Variants in CARMIL1 observed in about 807,000 individuals in gnomAD.
CARMIL1 encodes F-actin-uncapping protein LRRC16A.
Under a neutral mutation model 177.1 loss-of-function variants are expected in CARMIL1, and 90 were observed. That is an observed-to-expected ratio of 0.51 (90% CI 0.43 to 0.61). CARMIL1 has a LOEUF of 0.61. CARMIL1 is among the 20% of genes least tolerant of loss of function. CARMIL1 has a pLI of 0.00. For missense variants in CARMIL1, 1,380 were observed against 1,667.0 expected (o/e 0.83, Z 3.00); for synonymous variants, 577 against 606.2 (o/e 0.95, Z 0.71).
intron 2 of CARMIL1, among the ~76,000 whole-genome samples, chr6:25,315,860 G>T (rs1784234815): frequency 6.6e-6 from 1 of 152,196 alleles, no homozygotes; most frequent in South Asian, 2.1e-4. Flanking sequence ...CAGCGTCATT[G>T]CCAATACTTG....
chr6:25,321,617 C>T (rs1784672946), intron 2 of CARMIL1, among the ~76,000 whole-genome samples: 1 of 151,988 alleles, frequency 6.6e-6, no homozygotes, highest in Non-Finnish European at 1.5e-5. Context: ...TTAAACCTTT[C>T]ATTCTTTTAA....
At chr6:25,431,724 A>C (rs1796807317) in intron 4 of CARMIL1, among the ~76,000 whole-genome samples, 1 of 152,018 alleles carries the variant, frequency 6.6e-6, no homozygotes, top group Non-Finnish European at 1.5e-5. Context: ...TGTGGCTGCC[A>C]AAATTGGTCT....
chr6:25,491,994 T>C lies in CARMIL1; in HGVS notation c.1190T>C (p.Leu397Pro). The change falls in exon 15 of 37, where the codon CTC becomes CCC. Residue 397 changes from leucine to proline, a missense_variant. By Grantham distance (98) the Leu-to-Pro change is moderately conservative. Coordinates refer to ENST00000329474, the MANE Select transcript of CARMIL1 (RefSeq NM_017640.6). ...LRGCLQYLAVLNLSRTVFSHR... is the reference protein window; with the variant it reads ...LRGCLQYLAVPNLSRTVFSHR... The stretch of plus-strand genomic sequence containing the variant: ...GGATGCCTTCAATATTTAGCTGTGC[T>C]CAACCTCTCCAGAACTGTCTTCTCT... The C allele has an allele frequency of 6.2e-7, 1 of 1,613,832 alleles. No individual in the cohort carries two copies. The highest frequency in any genetic ancestry group is 8.5e-7 in the Non-Finnish European group (1 of 1,179,780).
At position 25,510,627 on chromosome 6, in the gene CARMIL1, T is replaced by A. The variant is rs1805371307; in HGVS notation, c.1577+21T>A. Reference sequence around the variant, plus strand: ...TCCAAGTAAGAGTTTTGAATTTTTTTATATGACAATGATGAAAATAACCAG... The same window carrying A: ...TCCAAGTAAGAGTTTTGAATTTTTTAATATGACAATGATGAAAATAACCAG... On this transcript the variant is annotated intron_variant, in intron 19 of 36. Coordinates refer to ENST00000329474, the MANE Select transcript of CARMIL1 (RefSeq NM_017640.6). 2.6e-6 allele frequency: 4 copies of A among 1,519,148 alleles called. No individual in the cohort carries two copies. The East Asian group carries it at 9.8e-5, about 37-fold the overall frequency. 94.1% of individuals were successfully genotyped at this position (1,519,148 alleles called of 1,614,324 possible).
intron 33 of CARMIL1, among the ~76,000 whole-genome samples, chr6:25,603,348 T>A (rs1384655697): frequency 1.3e-5 from 2 of 152,216 alleles, no homozygotes; most frequent in Non-Finnish European, 2.9e-5. Context: ...TGTATACACA[T>A]TTCCTCCTGG....
chr6:25,598,614 A>G (rs1815078319), intron 32 of CARMIL1, among the ~76,000 whole-genome samples: 1 of 152,014 alleles, frequency 6.6e-6, no homozygotes, highest in Admixed American at 6.6e-5. Flanking sequence ...AATTCTTTAT[A>G]TTCCCTTTGT....
chr6:25,483,406 C>G (rs902955879), intron 12 of CARMIL1, among the ~76,000 whole-genome samples: 7 of 152,050 alleles, frequency 4.6e-5, no homozygotes, highest in Non-Finnish European at 7.4e-5. Flanking sequence ...ATTTGTAAGA[C>G]AGAAATAACA....
chr6:25,293,672 C>A (rs1355558387), intron 2 of CARMIL1, among the ~76,000 whole-genome samples: 1 of 151,876 alleles, frequency 6.6e-6, no homozygotes, highest in African/African-American at 2.4e-5. Flanking sequence ...AGCTGGTCTT[C>A]CCTTCCCTTC....
Position 25,426,683 on chromosome 6 carries a change from G to C in CARMIL1, c.249+123G>C, listed in dbSNP as rs569240184. The C allele has an allele frequency of 1.8e-5, 13 of 742,620 alleles. 1 individual carries two copies. Among genetic ancestry groups the C allele is most frequent in the South Asian group, 1.6e-4 (8 of 48,622 alleles). 46.0% of individuals were successfully genotyped at this position (742,620 alleles called of 1,614,324 possible). A position where few individuals can be genotyped will look rare whatever the true frequency, so the allele number is the denominator to read the frequency against. On this transcript the variant is annotated intron_variant, in intron 4 of 36. Transcript: ENST00000329474. ...GGAAGATGAAATTTTTGAAATGAGA[G>C]ACTCAACACTGGCTGTGTGGACAGG...
At chr6:25,357,636 G>A (rs1296912019) in intron 2 of CARMIL1, among the ~76,000 whole-genome samples, 1 of 151,344 alleles carries the variant, frequency 6.6e-6, no homozygotes, top group Non-Finnish European at 1.5e-5. Context: ...ATGGAGTTAT[G>A]ATTCCAATTC....
At chr6:25,567,283 G>C (rs997610239) in intron 29 of CARMIL1, among the ~76,000 whole-genome samples, 1 of 152,146 alleles carries the variant, frequency 6.6e-6, no homozygotes, top group African/African-American at 2.4e-5. Flanking sequence ...TCGGTGGATA[G>C]TATCTTTATT....
chr6:25,281,136 G>GCACA (rs1554148590), intron 1 of CARMIL1, among the ~76,000 whole-genome samples: 3,485 of 132,090 alleles, frequency 0.026, 121 homozygotes, highest in Admixed American at 0.082. Context: ...GTGCGCGCGC[G>GCACA]CACACACACA....
chr6:25,496,850 T>C (rs965604159), intron 16 of CARMIL1, among the ~76,000 whole-genome samples: 3 of 152,230 alleles, frequency 2.0e-5, no homozygotes, highest in Non-Finnish European at 4.4e-5. Context: ...TTCAATGTTG[T>C]TTACTTTTGT....
chr6:25,547,903 AAG>A (rs10557684), intron 26 of CARMIL1, among the ~76,000 whole-genome samples: 1,924 of 152,202 alleles, frequency 0.013, 29 homozygotes, highest in African/African-American at 0.037. Flanking sequence ...TTGGAGTGTG[AAG>A]AGAGTAGGGG....
intron 26 of CARMIL1, among the ~76,000 whole-genome samples, chr6:25,549,578 C>T (rs1011738514): frequency 2.6e-5 from 4 of 152,180 alleles, no homozygotes; most frequent in Non-Finnish European, 5.9e-5. Flanking sequence ...ACTTCTCAAA[C>T]GGCTGCCTCC....
intron 29 of CARMIL1, among the ~76,000 whole-genome samples, chr6:25,571,944 T>C (rs562095747): frequency 1.3e-5 from 2 of 152,136 alleles, no homozygotes; most frequent in African/African-American, 2.4e-5. Context: ...ATATAATGAG[T>C]GCATTCTCTA....
intron 31 of CARMIL1, among the ~76,000 whole-genome samples, chr6:25,590,191 T>C (rs1814157981): frequency 6.6e-6 from 1 of 152,226 alleles, no homozygotes. Flanking sequence ...TAAGAGACTT[T>C]TCTTCTATTT....
intron 2 of CARMIL1, among the ~76,000 whole-genome samples, chr6:25,309,766 CTTT>C (rs34514583): frequency 6.8e-5 from 8 of 116,906 alleles, no homozygotes; most frequent in Non-Finnish European, 5.4e-5. Flanking sequence ...TATACCACAT[CTTT>C]TTTTTTTTTT....
At chr6:25,540,188 G>A (rs1808752467) in intron 26 of CARMIL1, 110 bp downstream of exon 26, 1 of 1,001,830 alleles carries the variant, frequency 1.0e-6, no homozygotes. Flanking sequence ...TGTGCATGCT[G>A]CAAAGATGTA....
Sources: gnomAD v4.1 joint callset for allele counts (sites outside exome capture counted in the v4.1 genomes callset) on GRCh38, gnomAD v4.1.1 for gene constraint, MANE v1.5 for transcripts, NCBI Gene and HGNC (gene_info 2026-07-23, HGNC 2026-07-21) for gene names.